The following ERG variants were observed in gnomAD, a reference collection of about 807,000 sequenced individuals.
The protein encoded by ERG is transcriptional regulator ERG.
ERG carries 9 observed loss-of-function variants against 55.3 expected under a neutral mutation model. The observed-to-expected ratio is 0.16, with a 90% CI of 0.10 to 0.28. The LOEUF is 0.28. Ranked by LOEUF, ERG falls within the 10% of genes least tolerant of loss-of-function variation. The probability of loss-of-function intolerance (pLI) is 1.00; values close to 1 mark genes in which losing one functional copy is unlikely to be tolerated. For synonymous variants in ERG, 223 were observed against 237.3 expected (o/e 0.94, Z 0.55); for missense variants, 434 against 631.6 (o/e 0.69, Z 3.35).
chr21:38,382,352 A>G lies in ERG; in HGVS notation c.*1051T>C. 1 of 1,059,496 alleles carries G rather than the reference A, an allele frequency of 9.4e-7. No individual in the cohort carries two copies. The highest frequency in any genetic ancestry group is 1.1e-6 in the Non-Finnish European group (1 of 875,302). 65.6% of individuals were successfully genotyped at this position (1,059,496 alleles called of 1,614,324 possible). A position where few individuals can be genotyped will look rare whatever the true frequency, so the allele number is the denominator to read the frequency against. ...TGCGTGATTTCTGATTGTGGCAGCC[A>G]AGAAGGCCATCTCTTACCTGACCCT... On this transcript the variant is annotated 3_prime_UTR_variant, in exon 10 of 10. Coordinates refer to ENST00000288319, the MANE Select transcript of ERG (RefSeq NM_182918.4).
chr21:38,599,736 G>T (rs953495088), intron 1 of ERG, among the ~76,000 whole-genome samples: 17 of 152,222 alleles, frequency 1.1e-4, no homozygotes, highest in African/African-American at 3.9e-4. Context: ...AAATTAGACT[G>T]TTCACTGTAT....
intron 3 of ERG, among the ~76,000 whole-genome samples, chr21:38,404,353 G>T (rs1190601870): frequency 6.6e-6 from 1 of 152,144 alleles, no homozygotes; most frequent in African/African-American, 2.4e-5. Flanking sequence ...CTGCAGGAGT[G>T]GGGTTGGTGA....
chr21:38,385,926 T>C (rs1779357614), intron 9 of ERG, among the ~76,000 whole-genome samples: 1 of 152,220 alleles, frequency 6.6e-6, no homozygotes, highest in Admixed American at 6.5e-5. Context: ...CATACGGTTG[T>C]TTGAAAATAA....
At chr21:38,463,894 T>A (rs2059065690) in intron 1 of ERG, among the ~76,000 whole-genome samples, 1 of 152,156 alleles carries the variant, frequency 6.6e-6, no homozygotes, top group South Asian at 2.1e-4. Context: ...ACTTCCCGTA[T>A]CCCCTCACTC....
intron 1 of ERG, among the ~76,000 whole-genome samples, chr21:38,654,721 G>C (rs1164004575): frequency 1.3e-5 from 2 of 152,160 alleles, no homozygotes; most frequent in East Asian, 1.9e-4. Flanking sequence ...AGACTAGAAA[G>C]TACTTTTCAA....
chr21:38,613,644 C>T (rs1187884299), intron 1 of ERG, among the ~76,000 whole-genome samples: 2 of 152,206 alleles, frequency 1.3e-5, no homozygotes, highest in Non-Finnish European at 2.9e-5. Context: ...CCCCCTTTCT[C>T]CTCTGATCCA....
At chr21:38,528,097 CTTGGCT>C (rs2059643111) in intron 2 of ERG, among the ~76,000 whole-genome samples, 1 of 152,156 alleles carries the variant, frequency 6.6e-6, no homozygotes, top group African/African-American at 2.4e-5. Flanking sequence ...TTTGGTGTTC[CTTGGCT>C]TATAGAAGCA....
chr21:38,501,229 C>A (rs1487151846), upstream of ERG, among the ~76,000 whole-genome samples: 1 of 151,786 alleles, frequency 6.6e-6, no homozygotes, highest in Non-Finnish European at 1.5e-5. Flanking sequence ...CCACACCTGG[C>A]TAATTTTTTT....
At chr21:38,622,140 A>G (rs1239241864) in intron 1 of ERG, among the ~76,000 whole-genome samples, 6 of 152,214 alleles carry the variant, frequency 3.9e-5, no homozygotes, top group Non-Finnish European at 8.8e-5. Flanking sequence ...TGCAGTGCAC[A>G]ACCACACAGG....
chr21:38,604,460 T>C (rs1005226842), intron 1 of ERG, among the ~76,000 whole-genome samples: 6 of 152,142 alleles, frequency 3.9e-5, no homozygotes, highest in Non-Finnish European at 5.9e-5. Context: ...ACAAGGGTGG[T>C]ATAATTGAGG....
intron 9 of ERG, among the ~76,000 whole-genome samples, chr21:38,390,532 C>T (rs1987924016): frequency 6.6e-6 from 1 of 152,070 alleles, no homozygotes; most frequent in African/African-American, 2.4e-5. Flanking sequence ...GCAAAAGAGG[C>T]ATTTGGACAC....
intron 2 of ERG, among the ~76,000 whole-genome samples, chr21:38,424,924 G>A (rs577664426): frequency 3.3e-5 from 5 of 152,332 alleles, no homozygotes; most frequent in South Asian, 4.1e-4. Context: ...ACTACTGACC[G>A]TGGGCAACAG....
intron 1 of ERG, among the ~76,000 whole-genome samples, chr21:38,455,094 TTTTCTTTC>T (rs1250651080): frequency 4.1e-5 from 6 of 144,860 alleles, no homozygotes; most frequent in Admixed American, 1.4e-4. Context: ...ATAATGTTCT[TTTTCTTTC>T]TTTCTTTCTT....
At position 38,383,660 on chromosome 21, in the gene ERG, T is replaced by C. The variant is rs1430433266; in HGVS notation, c.1183A>G (p.Ile395Val). Residue 395 changes from isoleucine to valine, a missense_variant, in exon 10 of 10, where the codon ATC (isoleucine) becomes GTC (valine). Coordinates refer to ENST00000288319, the MANE Select transcript of ERG (RefSeq NM_182918.4). This position sits in a 1 kb window ranked among gnomAD's most constrained non-coding sequence, Gnocchi z 5.7. ...GGGTGGGGCTGGAGGGCCTGGGCGA[T>C]CCCGTGGAAGTCGAACTTGTAGGCG... ...RYAYKFDFHGIAQALQPHPPE... is the reference protein window; with the variant it reads ...RYAYKFDFHGVAQALQPHPPE... 1.9e-6 allele frequency: 3 copies of C among 1,614,104 alleles called. No homozygotes were observed. The highest frequency in any genetic ancestry group is 2.5e-6 in the Non-Finnish European group (3 of 1,180,020).
chr21:38,473,276 C>T (rs1796121644), intron 1 of ERG, among the ~76,000 whole-genome samples: 1 of 152,030 alleles, frequency 6.6e-6, no homozygotes, highest in African/African-American at 2.4e-5. Context: ...GGATATTACC[C>T]ACACTCTGCC....
chr21:38,423,397 G>A lies in ERG; in HGVS notation c.388+13C>T, dbSNP rs1405295756. On this transcript the variant is annotated intron_variant, in intron 3 of 9. Coordinates refer to ENST00000288319, the MANE Select transcript of ERG (RefSeq NM_182918.4). ...GCGATCTGCCGAGGGCAGTGAAGCT[G>A]TGGGCACCTGACCTGCTGGCACGAT... 2 of 1,608,410 alleles carry A rather than the reference G, an allele frequency of 1.2e-6. No individual in the cohort carries two copies. The highest frequency in any genetic ancestry group is 1.7e-5 in the Admixed American group (1 of 59,798).
chr21:38,386,231 C>T (rs966298324), intron 9 of ERG, among the ~76,000 whole-genome samples: 2 of 152,164 alleles, frequency 1.3e-5, no homozygotes, highest in African/African-American at 4.8e-5. Context: ...AGACATAGGG[C>T]TCAGGACTGT....
chr21:38,608,295 A>G (rs73432179), intron 1 of ERG, among the ~76,000 whole-genome samples: 10,884 of 152,254 alleles, frequency 0.071, 696 homozygotes, highest in African/African-American at 0.17. Context: ...GCTATCAACA[A>G]AAAGAAAGCT....
chr21:38,404,683 T>C (rs1430288801), intron 3 of ERG, among the ~76,000 whole-genome samples: 1 of 152,116 alleles, frequency 6.6e-6, no homozygotes, highest in African/African-American at 2.4e-5. Flanking sequence ...GGCAGCTATT[T>C]CTCCTTTCTG....
Sources: allele counts gnomAD v4.1 joint callset (sites outside exome capture counted in the v4.1 genomes callset), GRCh38; gene constraint gnomAD v4.1.1; non-coding constraint Gnocchi (gnomAD v3.1); transcripts MANE v1.5; gene names NCBI Gene and HGNC (gene_info 2026-07-23, HGNC 2026-07-21).